The following FBN2 variants were observed in gnomAD, a reference collection of about 807,000 sequenced individuals.
FBN2 encodes fibrillin 2.
Under a neutral mutation model 355.6 loss-of-function variants are expected in FBN2, and 105 were observed. The observed-to-expected ratio is 0.30, with a 90% CI of 0.25 to 0.35. FBN2 has a LOEUF of 0.35. Among genes scored for constraint, FBN2 ranks in the 10% least tolerant of loss-of-function variants. The probability of loss-of-function intolerance (pLI) is 1.00; values close to 1 mark genes in which losing one functional copy is unlikely to be tolerated. For missense variants in FBN2, 3,280 were observed against 3,758.7 expected (o/e 0.87, Z 3.33); for synonymous variants, 1,350 against 1,301.2 (o/e 1.04, Z -0.81).
intron 6 of FBN2, among the ~76,000 whole-genome samples, chr5:128,457,842 CAA>C (rs560905143): frequency 1.6e-5 from 2 of 125,440 alleles, no homozygotes; most frequent in Non-Finnish European, 1.7e-5. Flanking sequence ...CCAGACACTG[CAA>C]AAAAAAAAAA....
intron 5 of FBN2, among the ~76,000 whole-genome samples, chr5:128,480,860 G>T (rs1755164667): frequency 6.6e-6 from 1 of 152,096 alleles, no homozygotes; most frequent in South Asian, 2.1e-4. Context: ...TGTCATGACA[G>T]TGATATCGCA....
chr5:128,262,789 C>A (rs1765007784), intron 63 of FBN2, among the ~76,000 whole-genome samples: 1 of 152,160 alleles, frequency 6.6e-6, no homozygotes, highest in South Asian at 2.1e-4. Flanking sequence ...CCTCTAAATG[C>A]CCATCTTCTG....
intron 11 of FBN2, among the ~76,000 whole-genome samples, chr5:128,389,305 G>A (rs1218875274): frequency 6.6e-6 from 1 of 152,214 alleles, no homozygotes; most frequent in African/African-American, 2.4e-5. Flanking sequence ...GTTGTGGGGA[G>A]AGGCTGCAGG....
intron 7 of FBN2, among the ~76,000 whole-genome samples, chr5:128,424,926 T>G (rs1287359275): frequency 1.3e-5 from 2 of 152,172 alleles, no homozygotes; most frequent in Non-Finnish European, 2.9e-5. Context: ...AATATGAGTT[T>G]GAATATTTGG....
At chr5:128,391,134 A>C (rs867478334) in intron 11 of FBN2, among the ~76,000 whole-genome samples, 44 of 152,334 alleles carry the variant, frequency 2.9e-4, no homozygotes, top group African/African-American at 9.9e-4. Flanking sequence ...ATATGGTTTC[A>C]GATTCTACAT....
chr5:128,492,179 A>G (rs998406580), intron 5 of FBN2, among the ~76,000 whole-genome samples: 12 of 152,134 alleles, frequency 7.9e-5, no homozygotes, highest in Admixed American at 2.6e-4. Context: ...GTATTAATAT[A>G]TGTTCAATCT....
intron 58 of FBN2, 108 bp from the exon 59 acceptor site, chr5:128,276,268 A>G: frequency 8.8e-7 from 1 of 1,139,430 alleles, no homozygotes. Context: ...TGTTCAACTT[A>G]AAGTGGAATA....
intron 7 of FBN2, among the ~76,000 whole-genome samples, chr5:128,435,311 C>A (rs1160989704): frequency 1.3e-5 from 2 of 152,130 alleles, no homozygotes; most frequent in Non-Finnish European, 2.9e-5. Context: ...TTAATACTTT[C>A]ATCAGACTAG....
chr5:128,306,659 G>C (rs1212888304), intron 42 of FBN2, among the ~76,000 whole-genome samples: 1 of 152,074 alleles, frequency 6.6e-6, no homozygotes, highest in Non-Finnish European at 1.5e-5. Context: ...AATCTTTGAG[G>C]AAGGAAGCTA....
intron 19 of FBN2, among the ~76,000 whole-genome samples, chr5:128,358,578 T>C (rs1481748431): frequency 6.6e-6 from 1 of 152,080 alleles, no homozygotes; most frequent in Non-Finnish European, 1.5e-5. Flanking sequence ...TGAAGAAATA[T>C]GAATGTATTT....
At chr5:128,537,093 G>A (rs1394852390) in intron 1 of FBN2, among the ~76,000 whole-genome samples, 1 of 152,084 alleles carries the variant, frequency 6.6e-6, no homozygotes, top group African/African-American at 2.4e-5. Context: ...CACACGCTCT[G>A]CGATCGGCAC....
chr5:128,536,389 G>T lies in FBN2; in HGVS notation c.337+13C>A. On this transcript the variant is annotated intron_variant, in intron 2 of 64. Transcript: ENST00000262464. ...TGCGCTGCCCCAAGCTGCGATCCCT[G>T]CCAAGCACTCACGGACAATGCACTG... 6.2e-7 allele frequency: 1 copy of T among 1,611,214 alleles called. No individual in the cohort carries two copies. Among genetic ancestry groups the T allele is most frequent in the Non-Finnish European group, 8.5e-7 (1 of 1,177,546 alleles).
intron 8 of FBN2, among the ~76,000 whole-genome samples, chr5:128,396,410 G>A (rs1581262497): frequency 6.6e-6 from 1 of 152,124 alleles, no homozygotes; most frequent in African/African-American, 2.4e-5. Context: ...CAAGAACTAG[G>A]GAAAACTGAC....
intron 34 of FBN2, among the ~76,000 whole-genome samples, chr5:128,319,295 A>C (rs1461806420): frequency 6.6e-6 from 1 of 152,116 alleles, no homozygotes; most frequent in Non-Finnish European, 1.5e-5. Context: ...ACAAAATACA[A>C]AAATTAAATA....
intron 8 of FBN2, among the ~76,000 whole-genome samples, chr5:128,401,834 G>T (rs566432863): frequency 7.9e-5 from 12 of 152,228 alleles, no homozygotes; most frequent in Admixed American, 5.9e-4. Flanking sequence ...GGAAACCTCT[G>T]GTCAGTCCTG....
At chr5:128,400,458 A>G (rs905306234) in intron 8 of FBN2, among the ~76,000 whole-genome samples, 1 of 152,192 alleles carries the variant, frequency 6.6e-6, no homozygotes, top group Non-Finnish European at 1.5e-5. Flanking sequence ...TTTCAGTAAT[A>G]GATATAGTAG....
rs28763956 is a variant in FBN2 at position 128,464,692 on chromosome 5, C to T, written c.826+32G>A. 1.1e-3 allele frequency: 1,791 copies of T among 1,606,244 alleles called. 16 individuals carry two copies. In the African/African-American group the frequency reaches 0.021, roughly 19 times the overall value. ...AACAAAAAGAGAAGTGGCAGGTCTGCGATGGTGTGCACAGGCAGACAGCTG... is the reference window on the plus strand; with the variant it reads ...AACAAAAAGAGAAGTGGCAGGTCTGTGATGGTGTGCACAGGCAGACAGCTG... On this transcript the variant is annotated intron_variant, in intron 6 of 64. Coordinates refer to ENST00000262464, the MANE Select transcript of FBN2 (RefSeq NM_001999.4).
At chr5:128,330,521 T>C (rs1013757912) in intron 33 of FBN2, 52 bp downstream of exon 33, 39 of 1,602,712 alleles carry the variant, frequency 2.4e-5, no homozygotes, top group Non-Finnish European at 3.2e-5. Context: ...AGGAAGCATA[T>C]AGAGTGTTCT....
At chr5:128,375,345 C>T (rs1182566638) in intron 14 of FBN2, among the ~76,000 whole-genome samples, 2 of 152,064 alleles carry the variant, frequency 1.3e-5, no homozygotes, top group African/African-American at 2.4e-5. Context: ...CTGGTGAGGT[C>T]GAAGTCATCT....
Sources: allele counts gnomAD v4.1 joint callset (sites outside exome capture counted in the v4.1 genomes callset), GRCh38; gene constraint gnomAD v4.1.1; transcripts MANE v1.5; gene names NCBI Gene and HGNC (gene_info 2026-07-23, HGNC 2026-07-21).